Variants in ATP13A4 observed in about 807,000 individuals in gnomAD.
ATP13A4 encodes ATPase 13A4, also known as probable cation-transporting ATPase 13A4.
A neutral mutation model predicts 142.5 loss-of-function variants in ATP13A4; 114 were observed. The observed-to-expected ratio is 0.80, with a 90% CI of 0.69 to 0.93. ATP13A4 has a LOEUF of 0.93. ATP13A4 is among the 40% of genes least tolerant of loss of function. The pLI is 0.00. For missense variants in ATP13A4, 1,392 were observed against 1,454.0 expected (o/e 0.96, Z 0.69); for synonymous variants, 488 against 514.8 (o/e 0.95, Z 0.70).
intron 20 of ATP13A4, among the ~76,000 whole-genome samples, 161 bp downstream of exon 20, chr3:193,441,305 G>A (rs190747484): frequency 3.5e-4 from 54 of 152,180 alleles, no homozygotes; most frequent in Admixed American, 3.2e-3. Flanking sequence ...TAGGAAATGA[G>A]ACAATAGTAT....
At chr3:193,426,350 T>C (rs960042804) in intron 25 of ATP13A4, among the ~76,000 whole-genome samples, 3 of 151,598 alleles carry the variant, frequency 2.0e-5, no homozygotes, top group Non-Finnish European at 3.0e-5. Context: ...TGAAAGAAAT[T>C]AAAGATGACA....
intron 2 of ATP13A4, among the ~76,000 whole-genome samples, chr3:193,568,212 C>T (rs1422321873): frequency 6.6e-6 from 1 of 152,064 alleles, no homozygotes; most frequent in Admixed American, 6.6e-5. Flanking sequence ...CTGCCTGCCT[C>T]AGACTCCCAA....
chr3:193,411,557 T>C (rs1372293603), intron 27 of ATP13A4, among the ~76,000 whole-genome samples: 1 of 152,216 alleles, frequency 6.6e-6, no homozygotes, highest in Non-Finnish European at 1.5e-5. Flanking sequence ...AAAATATTCA[T>C]AAAGGAACTC....
rs1720021136 is a variant in ATP13A4 at position 193,492,907 on chromosome 3, T to A, written c.533+10A>T. 2 of 1,589,412 alleles carry A rather than the reference T, an allele frequency of 1.3e-6. No individual in the cohort carries two copies. The highest frequency in any genetic ancestry group is 2.2e-5 in the South Asian group (2 of 90,458). On this transcript the variant is annotated intron_variant, in intron 5 of 29. Transcript: ENST00000342695. Reference sequence around the variant, plus strand: ...TTTTGAGCTAGTATAGGCAATAATATGCATGGTACCTAATCTCCTGTTCTT... The same window carrying A: ...TTTTGAGCTAGTATAGGCAATAATAAGCATGGTACCTAATCTCCTGTTCTT...
intron 28 of ATP13A4, 61 bp from the exon 29 acceptor site, chr3:193,407,454 A>AG: frequency 9.4e-6 from 12 of 1,271,042 alleles, no homozygotes; most frequent in Non-Finnish European, 1.4e-5. Context: ...AAACATGCTC[A>AG]CATGTTCACA....
chr3:193,404,257 CCA>C (rs537791282), intron 29 of ATP13A4: 5,209 of 462,282 alleles, frequency 0.011, 1 homozygote, highest in Non-Finnish European at 0.013. Flanking sequence ...ATAGATGAAA[CCA>C]CACACACACA....
chr3:193,418,646 C>T (rs901792745), intron 25 of ATP13A4, among the ~76,000 whole-genome samples: 5 of 149,756 alleles, frequency 3.3e-5, no homozygotes, highest in African/African-American at 9.8e-5. Context: ...CCCCAGCAGC[C>T]CCCATCAACA....
At chr3:193,492,469 C>T (rs147445353) in intron 5 of ATP13A4, among the ~76,000 whole-genome samples, 46 of 152,250 alleles carry the variant, frequency 3.0e-4, no homozygotes, top group African/African-American at 1.1e-3. Flanking sequence ...TGCTGCTGCT[C>T]CATGGTTATT....
At chr3:193,563,423 T>C (rs1271685246) in intron 2 of ATP13A4, among the ~76,000 whole-genome samples, 2 of 152,194 alleles carry the variant, frequency 1.3e-5, no homozygotes, top group Non-Finnish European at 2.9e-5. Context: ...CATTCCAATG[T>C]TAAGAAGTCC....
At chr3:193,506,085 G>A (rs1434601027) in intron 2 of ATP13A4, among the ~76,000 whole-genome samples, 1 of 152,140 alleles carries the variant, frequency 6.6e-6, no homozygotes, top group Non-Finnish European at 1.5e-5. Context: ...AGTTCTTTCT[G>A]TAAGTAGGAA....
In ATP13A4 at chr3:193,477,648, C is replaced by T. The variant is rs143779084; in HGVS notation, c.808+6288G>A. Among the ~76,000 whole-genome samples the T allele has an allele frequency of 2.6e-3, 393 of 152,188 alleles. 4 individuals are homozygous for T. Among genetic ancestry groups the T allele is most frequent in the Middle Eastern group, 0.021 (6 of 292 alleles). The stretch of plus-strand genomic sequence containing the variant: ...AAATAAAGGTGTTCTACATTTGCCA[C>T]GCTTACTGTCTTTAAAGAGTTTCCA... On this transcript the variant is annotated intron_variant, in intron 8 of 29. Coordinates refer to ENST00000342695, the MANE Select transcript of ATP13A4 (RefSeq NM_032279.4).
intron 18 of ATP13A4, among the ~76,000 whole-genome samples, chr3:193,447,228 G>A (rs758115547): frequency 6.6e-6 from 1 of 152,182 alleles, no homozygotes; most frequent in Non-Finnish European, 1.5e-5. Context: ...GGGTCACAGT[G>A]TAAGGGAAAT....
chr3:193,442,356 A>G, intron 19 of ATP13A4, 37 bp downstream of exon 19: 1 of 1,601,022 alleles, frequency 6.2e-7, no homozygotes, highest in South Asian at 1.1e-5. Flanking sequence ...TGCAAGACAC[A>G]TTGATAATGT....
rs1304156960 is a variant in ATP13A4, at chr3:193,399,605, T to C, written c.*3047A>G. 6.6e-6 allele frequency among the ~76,000 whole-genome samples: 1 copy of C among 151,984 alleles called. No individual in the cohort carries two copies. Among genetic ancestry groups the C allele is most frequent in the African/African-American group, 2.4e-5 (1 of 41,404 alleles). On this transcript the variant is annotated 3_prime_UTR_variant, in exon 30 of 30. Transcript: ENST00000342695. The stretch of plus-strand genomic sequence containing the variant: ...GGCTCATGTCTGTAATCCCGGCACT[T>C]TGGGAGGCCGAGGCGGGCGGATCAC...
chr3:193,585,963 A>G (rs1724658721), intron 1 of ATP13A4, among the ~76,000 whole-genome samples: 1 of 152,162 alleles, frequency 6.6e-6, no homozygotes, highest in South Asian at 2.1e-4. Flanking sequence ...GGTTATTGAC[A>G]GTTCTGGTTG....
intron 1 of ATP13A4, among the ~76,000 whole-genome samples, chr3:193,523,893 T>C (rs1006648407): frequency 3.9e-5 from 6 of 152,090 alleles, no homozygotes; most frequent in Admixed American, 3.3e-4. Flanking sequence ...GAGTTCTCTC[T>C]CTCATTAGTT....
At chr3:193,502,770 T>C (rs1242135989) in intron 2 of ATP13A4, 131 bp from the exon 3 acceptor site, 2 of 988,748 alleles carry the variant, frequency 2.0e-6, no homozygotes, top group Non-Finnish European at 3.1e-6. Context: ...ACAGAACGGT[T>C]TGTCTCTGAA....
intron 29 of ATP13A4, among the ~76,000 whole-genome samples, chr3:193,406,874 G>A (rs533674200): frequency 3.7e-4 from 57 of 152,246 alleles, no homozygotes; most frequent in African/African-American, 1.1e-3. Context: ...GAAGAGCAAC[G>A]GCTAGTAGGT....
Position 193,573,291 on chromosome 3 carries a change from A to T in ATP13A4, n.291+8416T>A, listed in dbSNP as rs1452464436. 3.2e-3 allele frequency among the ~76,000 whole-genome samples: 239 copies of T among 74,464 alleles called. 5 individuals are homozygous for T. Among genetic ancestry groups the T allele is most frequent in the Middle Eastern group, 0.012 (2 of 168 alleles). 48.9% of individuals were successfully genotyped at this position (74,464 alleles called of 152,430 possible). A position where few individuals can be genotyped will look rare whatever the true frequency, so the allele number is the denominator to read the frequency against. ...TATATATATACATATATATATATAC[A>T]CATATATATATATATACATATATAT... On this transcript the variant is annotated intron_variant and non_coding_transcript_variant, in intron 2 of 3. Transcript: ENST00000489140.
Sources: allele counts gnomAD v4.1 joint callset (sites outside exome capture counted in the v4.1 genomes callset), GRCh38; gene constraint gnomAD v4.1.1; transcripts MANE v1.5; gene names NCBI Gene and HGNC (gene_info 2026-07-23, HGNC 2026-07-21).